The following LY96 variants were observed in gnomAD, a reference collection of about 807,000 sequenced individuals.
LY96 encodes the protein lymphocyte antigen 96.
LY96 carries 18 observed loss-of-function variants against 18.9 expected under a neutral mutation model. That is an observed-to-expected ratio of 0.95 (90% CI 0.66 to 1.41). The LOEUF is 1.41. Among genes scored for constraint, LY96 ranks in the 40% most tolerant of loss-of-function variants. The pLI is 0.00. For missense variants in LY96, 175 were observed against 182.4 expected, an observed-to-expected ratio of 0.96 and a Z score of 0.23; for synonymous variants, 66 against 62.6, an observed-to-expected ratio of 1.06 and a Z score of -0.26.
the LY96 span, among the ~76,000 whole-genome samples, chr8:74,050,110 A>G: frequency 6.6e-6 from 1 of 152,336 alleles, no homozygotes; most frequent in East Asian, 1.9e-4. Context: ...TGGGAAGCTG[A>G]GGCACATGGA....
At chr8:74,066,195 G>T in the LY96 span, among the ~76,000 whole-genome samples, 1 of 152,062 alleles carries the variant, frequency 6.6e-6, no homozygotes, top group Non-Finnish European at 1.5e-5. Flanking sequence ...GGCACCTCTT[G>T]CTGTGTCCTC....
At chr8:74,097,377 A>C in the LY96 span, among the ~76,000 whole-genome samples, 1 of 152,114 alleles carries the variant, frequency 6.6e-6, no homozygotes, top group Non-Finnish European at 1.5e-5. Context: ...TATCTGTAAC[A>C]GTAGTAGTGT....
the LY96 span, among the ~76,000 whole-genome samples, chr8:74,093,757 C>T: frequency 2.6e-5 from 4 of 152,272 alleles, no homozygotes; most frequent in East Asian, 7.7e-4. Context: ...ATGCTTACAT[C>T]TTGTGTGGAG....
At chr8:74,090,821 A>G in the LY96 span, among the ~76,000 whole-genome samples, 193 of 152,312 alleles carry the variant, frequency 1.3e-3, 2 homozygotes, top group East Asian at 0.029. Flanking sequence ...ATATATATGA[A>G]ACTAACATTT....
chr8:74,048,003 A>G, the LY96 span, among the ~76,000 whole-genome samples: 2 of 152,018 alleles, frequency 1.3e-5, no homozygotes, highest in African/African-American at 4.8e-5. Flanking sequence ...GGCTCAAAAA[A>G]TCCTCCCACC....
the LY96 span, among the ~76,000 whole-genome samples, chr8:74,050,119 G>C: frequency 3.3e-5 from 5 of 152,156 alleles, no homozygotes; most frequent in Non-Finnish European, 7.3e-5. Context: ...GAGGCACATG[G>C]ATCACCTGAG....
At chr8:74,053,029 C>G in the LY96 span, among the ~76,000 whole-genome samples, 1 of 152,240 alleles carries the variant, frequency 6.6e-6, no homozygotes, top group African/African-American at 2.4e-5. Flanking sequence ...ATTATTGTAC[C>G]TGCCAAGCAA....
At chr8:73,997,552 G>C (rs1164702719) in intron 1 of LY96, among the ~76,000 whole-genome samples, 2 of 152,084 alleles carry the variant, frequency 1.3e-5, no homozygotes, top group Admixed American at 1.3e-4. Flanking sequence ...TTTATACCAA[G>C]ACCTCCAGGA....
At chr8:74,070,049 T>C in the LY96 span, among the ~76,000 whole-genome samples, 1 of 152,218 alleles carries the variant, frequency 6.6e-6, no homozygotes, top group Non-Finnish European at 1.5e-5. Flanking sequence ...TATTTCATAT[T>C]AGAAAGATAA....
chr8:74,041,800 A>G, the LY96 span, among the ~76,000 whole-genome samples: 1 of 152,354 alleles, frequency 6.6e-6, no homozygotes, highest in South Asian at 2.1e-4. Flanking sequence ...GACAATACAT[A>G]CACAGCTGAA....
the LY96 span, among the ~76,000 whole-genome samples, chr8:74,066,971 GC>G: frequency 6.6e-6 from 1 of 152,220 alleles, no homozygotes; most frequent in Non-Finnish European, 1.5e-5. Context: ...GGCTACAGGG[GC>G]TCATCCTAGG....
intron 1 of LY96, among the ~76,000 whole-genome samples, chr8:73,996,377 CTTTCTTTCTTTCTTTCTTTCTTT>C (rs1816139154): frequency 6.6e-5 from 2 of 30,224 alleles, no homozygotes; most frequent in African/African-American, 1.1e-4. Flanking sequence ...TCATTCCTTT[CTTTCTTTCTTTCTTTCTTTCTTT>C]CTTTCTTTCT....
intron 1 of LY96, among the ~76,000 whole-genome samples, chr8:74,000,463 G>T (rs994163503): frequency 6.6e-6 from 1 of 152,004 alleles, no homozygotes. Flanking sequence ...CCAACATTCT[G>T]ATTATGACCA....
chr8:74,071,432 C>T, the LY96 span, among the ~76,000 whole-genome samples: 40 of 151,970 alleles, frequency 2.6e-4, no homozygotes, highest in Non-Finnish European at 5.9e-4. Context: ...TCTCCTCTGG[C>T]CACCCTCAAA....
chr8:74,028,838 C>G (rs905328207), intron 4 of LY96, 118 bp from the exon 5 acceptor site: 13 of 609,614 alleles, frequency 2.1e-5, no homozygotes, highest in Non-Finnish European at 3.7e-5. Context: ...CATTGGAAAA[C>G]TATAAAATCA....
chr8:74,022,301 C>G (rs77754189), intron 3 of LY96, among the ~76,000 whole-genome samples: 27,204 of 151,534 alleles, frequency 0.18, 2,770 homozygotes, highest in African/African-American at 0.29. Context: ...CCGCTACCAC[C>G]CGGGAGCCTG....
the LY96 span, among the ~76,000 whole-genome samples, chr8:74,076,272 T>C: frequency 2.0e-5 from 3 of 151,638 alleles, no homozygotes; most frequent in African/African-American, 7.3e-5. Context: ...AAGAAAGACT[T>C]AAGGGACATC....
chr8:74,071,319 T>C, the LY96 span, among the ~76,000 whole-genome samples: 80 of 127,708 alleles, frequency 6.3e-4, no homozygotes, highest in Non-Finnish European at 1.1e-3. Flanking sequence ...CAGAAAAATG[T>C]TTTTTTTGTA....
rs114306839 is a variant in LY96 at position 74,024,513 on chromosome 8, A to G, written c.332-2276A>G. On this transcript the variant is annotated intron_variant, in intron 3 of 4. Coordinates refer to ENST00000284818, the MANE Select transcript of LY96 (RefSeq NM_015364.5). ...ATGGTAATAATATTTAATAAGTGCTATGTCCTAGGCATTGTTCTTAGCACT... is the reference window on the plus strand; with the variant it reads ...ATGGTAATAATATTTAATAAGTGCTGTGTCCTAGGCATTGTTCTTAGCACT... 7.5e-3 allele frequency among the ~76,000 whole-genome samples: 1,137 copies of G among 152,244 alleles called. 12 individuals are homozygous for G. The highest frequency in any genetic ancestry group is 0.026 in the African/African-American group (1,076 of 41,550).
Sources: allele counts gnomAD v4.1 joint callset (sites outside exome capture counted in the v4.1 genomes callset), GRCh38; gene constraint gnomAD v4.1.1; transcripts MANE v1.5; gene names NCBI Gene and HGNC (gene_info 2026-07-23, HGNC 2026-07-21).